The following MICAL3 variants were observed in gnomAD, a reference collection of about 807,000 sequenced individuals.
MICAL3 encodes the protein microtubule associated monooxygenase, calponin and LIM domain containing 3, also known as [F-actin]-monooxygenase MICAL3.
In MICAL3, 62 loss-of-function variants were observed where a neutral mutation model predicts 207.4. The ratio of observed to expected loss-of-function variants is 0.30; its 90% CI spans 0.24 to 0.37. MICAL3 has a LOEUF of 0.37. Ranked by LOEUF, MICAL3 falls within the 10% of genes least tolerant of loss-of-function variation. The pLI, the probability that MICAL3 is intolerant of heterozygous loss-of-function variation, is 1.00. For missense variants in MICAL3, 2,368 were observed against 2,635.6 expected (o/e 0.90, Z 2.22); for synonymous variants, 1,077 against 1,069.3 (o/e 1.01, Z -0.14).
At chr22:17,915,268 A>C (rs942948373) in intron 1 of MICAL3, among the ~76,000 whole-genome samples, 15 of 152,228 alleles carry the variant, frequency 9.9e-5, no homozygotes, top group African/African-American at 3.6e-4. Flanking sequence ...CCAGGCACAC[A>C]GCAGGTGCTC....
At chr22:17,973,695 G>A (rs1440251081) in intron 1 of MICAL3, among the ~76,000 whole-genome samples, 5 of 152,142 alleles carry the variant, frequency 3.3e-5, no homozygotes, top group East Asian at 3.9e-4. Context: ...TTGGAAGGTC[G>A]AGGCAGGAAG....
rs147577217 is a variant in MICAL3, at chr22:17,906,285, C to T, written c.264+264G>A. Among the ~76,000 whole-genome samples, 233 of 152,326 alleles carry T rather than the reference C, an allele frequency of 1.5e-3. 1 individual carries two copies. Among genetic ancestry groups the T allele is most frequent in the Non-Finnish European group, 2.5e-4 (17 of 68,028 alleles). On this transcript the variant is annotated intron_variant, in intron 2 of 31. Coordinates refer to ENST00000441493, the MANE Select transcript of MICAL3 (RefSeq NM_015241.3). Reference sequence around the variant, plus strand: ...CAAACAAAAAGAGGTTAGACATCCACAAAATTTCAACAGGGTTGAAGCCTG... The same window carrying T: ...CAAACAAAAAGAGGTTAGACATCCATAAAATTTCAACAGGGTTGAAGCCTG...
intron 1 of MICAL3, among the ~76,000 whole-genome samples, chr22:18,006,803 A>C (rs1001564735): frequency 1.4e-4 from 22 of 152,230 alleles, no homozygotes; most frequent in African/African-American, 5.1e-4. Context: ...ATTGCACTCC[A>C]GCGTGGGCAA....
chr22:17,857,854 ACTT>A (rs1926101264), intron 19 of MICAL3, among the ~76,000 whole-genome samples: 1 of 152,192 alleles, frequency 6.6e-6, no homozygotes, highest in African/African-American at 2.4e-5. Flanking sequence ...TGCACGGCAT[ACTT>A]CTTATTGCTG....
chr22:17,845,389 C>T (rs1204243652), intron 19 of MICAL3, among the ~76,000 whole-genome samples: 1 of 152,088 alleles, frequency 6.6e-6, no homozygotes, highest in Non-Finnish European at 1.5e-5. Flanking sequence ...GGAAACAAAG[C>T]AGATTAAAAC....
intron 1 of MICAL3, among the ~76,000 whole-genome samples, chr22:17,930,333 T>C (rs1304494924): frequency 6.6e-6 from 1 of 152,254 alleles, no homozygotes; most frequent in Non-Finnish European, 1.5e-5. Flanking sequence ...GAATGTCTTA[T>C]GTTAGCCAAA....
chr22:17,898,335 A>G (rs1931030403), intron 7 of MICAL3, among the ~76,000 whole-genome samples: 1 of 152,206 alleles, frequency 6.6e-6, no homozygotes, highest in East Asian at 1.9e-4. Flanking sequence ...ATCTAACCAG[A>G]TACGTCTTGC....
chr22:18,019,806 A>ATTTTTTTTTTTTTTTT (rs34107345), intron 1 of MICAL3: 1 of 77,778 alleles, frequency 1.3e-5, no homozygotes, highest in Non-Finnish European at 2.2e-5. Context: ...AATGCTGCTG[A>ATTTTTTTTTTTTTTTT]TTTTTTTTTT....
At chr22:18,019,806 A>ATT (rs34107345) in intron 1 of MICAL3, 5,671 of 77,658 alleles carry the variant, frequency 0.073, 954 homozygotes, top group African/African-American at 0.15. Flanking sequence ...AATGCTGCTG[A>ATT]TTTTTTTTTT....
At position 17,821,930 on chromosome 22, in the gene MICAL3, T is replaced by C; in HGVS notation, c.3448+100A>G. 3.4e-6 allele frequency: 5 copies of C among 1,457,686 alleles called. No homozygotes were observed. In the South Asian group the frequency reaches 6.4e-5, roughly 19 times the overall value. The allele number at this position is 1,457,686 out of a possible 1,614,324, so 90.3% of individuals were successfully genotyped here. On this transcript the variant is annotated intron_variant, in intron 24 of 31. Transcript: ENST00000441493. ...ACACCTCGGAGGCTGGTGTGCACCATGGCTCTGCTCTGAAGCGCCTGGCCC... is the reference window on the plus strand; with the variant it reads ...ACACCTCGGAGGCTGGTGTGCACCACGGCTCTGCTCTGAAGCGCCTGGCCC...
intron 1 of MICAL3, chr22:18,001,377 G>C (rs1288157689): frequency 6.6e-6 from 1 of 152,264 alleles, no homozygotes; most frequent in Non-Finnish European, 1.5e-5. Flanking sequence ...TCGGAGTCCC[G>C]AAGCCCCGTT....
At chr22:17,976,577 A>ATTTT (rs1935655290) in intron 1 of MICAL3, among the ~76,000 whole-genome samples, 1 of 91,788 alleles carries the variant, frequency 1.1e-5, no homozygotes, top group African/African-American at 5.4e-5. Context: ...ATATATATAT[A>ATTTT]TATATATATA....
chr22:17,985,579 G>A (rs933219131), intron 1 of MICAL3, among the ~76,000 whole-genome samples: 6 of 152,082 alleles, frequency 3.9e-5, no homozygotes, highest in South Asian at 2.1e-4. Flanking sequence ...AGTAAATGGC[G>A]CTTGTATTCT....
chr22:17,945,228 A>G (rs1263070257), intron 1 of MICAL3, among the ~76,000 whole-genome samples: 1 of 151,816 alleles, frequency 6.6e-6, no homozygotes, highest in African/African-American at 2.4e-5. Context: ...CAATCCCCAT[A>G]TTTCTTTCCC....
At position 17,808,863 on chromosome 22, in the gene MICAL3, C is replaced by T. The variant is rs1305059317; in HGVS notation, c.5631G>A (p.Lys1877=). 1 of 1,553,128 alleles carries T rather than the reference C, an allele frequency of 6.4e-7. No individual in the cohort carries two copies. The highest frequency in any genetic ancestry group is 1.9e-5 in the Admixed American group (1 of 51,308). The change falls in exon 29 of 32, where the codon AAG becomes AAA. Residue 1877 remains lysine, a synonymous_variant. Transcript: ENST00000441493. ...CAGTACCTGCTTCGCCCCGGAGCGCCTTCTCCACAGCCACGCCCCTTTCCT... is the reference window on the plus strand; with the variant it reads ...CAGTACCTGCTTCGCCCCGGAGCGCTTTCTCCACAGCCACGCCCCTTTCCT... ...RLEERGVAVE[K]ALRGEAGMGK...
At chr22:17,877,226 G>A (rs1209637087) in intron 16 of MICAL3, among the ~76,000 whole-genome samples, 13 of 114,928 alleles carry the variant, frequency 1.1e-4, no homozygotes, top group African/African-American at 4.1e-4. Context: ...TGGAGGTTAG[G>A]GAGGTTATGG....
At chr22:17,967,074 T>C (rs545150316) in intron 1 of MICAL3, among the ~76,000 whole-genome samples, 11 of 152,308 alleles carry the variant, frequency 7.2e-5, no homozygotes, top group African/African-American at 2.2e-4. Flanking sequence ...AGAGGTTCCA[T>C]GGACAAGGGC....
chr22:18,003,084 C>T (rs990297761), intron 1 of MICAL3, among the ~76,000 whole-genome samples: 1 of 150,050 alleles, frequency 6.7e-6, no homozygotes, highest in Non-Finnish European at 1.5e-5. Flanking sequence ...GGTGTGAACT[C>T]GGGAGGCGGA....
intron 1 of MICAL3, among the ~76,000 whole-genome samples, chr22:17,933,252 A>T (rs1003470460): frequency 2.6e-5 from 4 of 152,258 alleles, no homozygotes; most frequent in African/African-American, 9.6e-5. Context: ...GTAAAAGAAC[A>T]GAAATCACAA....
Sources: gnomAD v4.1 joint callset for allele counts (sites outside exome capture counted in the v4.1 genomes callset) on GRCh38, gnomAD v4.1.1 for gene constraint, MANE v1.5 for transcripts, NCBI Gene and HGNC (gene_info 2026-07-23, HGNC 2026-07-21) for gene names.